Variants in ZNF841 observed in about 807,000 individuals in gnomAD.
The protein encoded by ZNF841 is zinc finger protein 841, also known as TCONS_00006091.
In ZNF841, 11 loss-of-function variants were observed where a neutral mutation model predicts 13.0. That is an observed-to-expected ratio of 0.85 (90% CI 0.53 to 1.40). The LOEUF is 1.40. ZNF841 is among the 40% of genes most tolerant of loss of function. The pLI, the probability that ZNF841 is intolerant of heterozygous loss-of-function variation, is 0.00. For synonymous variants in ZNF841, 369 were observed against 381.6 expected (o/e 0.97, Z 0.38); for missense variants, 1,068 against 1,139.5 (o/e 0.94, Z 0.90).
intron 6 of ZNF841, among the ~76,000 whole-genome samples, chr19:52,074,207 C>T (rs1349334134): frequency 6.6e-6 from 1 of 152,138 alleles, no homozygotes; most frequent in Non-Finnish European, 1.5e-5. Context: ...TTCCCCAACA[C>T]AACACTACCA....
chr19:52,094,372 G>A (rs1206571057), intron 1 of ZNF841, among the ~76,000 whole-genome samples: 2 of 151,932 alleles, frequency 1.3e-5, no homozygotes, highest in South Asian at 4.1e-4. Context: ...CTTTCTTCAC[G>A]GCTATGTGTT....
At chr19:52,074,154 T>C (rs1437840835) in intron 6 of ZNF841, among the ~76,000 whole-genome samples, 2 of 148,488 alleles carry the variant, frequency 1.3e-5, no homozygotes, top group Non-Finnish European at 3.0e-5. Context: ...ATACCATCTG[T>C]ACTAAAGAAG....
rs768622797 is a variant in ZNF841, at chr19:52,076,053, C to G, written c.262G>C (p.Val88Leu). The G allele has an allele frequency of 1.2e-5, 18 of 1,552,556 alleles. No individual in the cohort carries two copies. Among genetic ancestry groups the G allele is most frequent in the Non-Finnish European group, 9.6e-6 (11 of 1,147,472 alleles). Residue 88 changes from valine to leucine, a missense_variant, in exon 6 of 7, where the codon GTG (valine) becomes CTG (leucine). Coordinates refer to ENST00000594440, the MANE Select transcript of ZNF841 (RefSeq NM_001136499.2). ...NPNCGECMKG[V>L]ITGISPKCVI... ...CCATCTGAGCTCTTACCGGTGATCA[C>G]GCCTTTCATGCATTCCCCACAGTTT...
intron 6 of ZNF841, among the ~76,000 whole-genome samples, chr19:52,069,338 G>A (rs2087677581): frequency 6.6e-6 from 1 of 152,166 alleles, no homozygotes; most frequent in Admixed American, 6.5e-5. Context: ...GCCTCCCAAA[G>A]TGCTGGGATT....
intron 2 of ZNF841, among the ~76,000 whole-genome samples, chr19:52,093,389 A>T (rs2088569459): frequency 6.6e-6 from 1 of 152,192 alleles, no homozygotes. Context: ...TTACTGTATG[A>T]CCTCACAAGT....
At chr19:52,093,106 GCT>G (rs1477996144) in intron 2 of ZNF841, among the ~76,000 whole-genome samples, 1 of 151,928 alleles carries the variant, frequency 6.6e-6, no homozygotes, top group Admixed American at 6.6e-5. Flanking sequence ...ACAGGGTGAG[GCT>G]CTGTCTCAAA....
rs775268502 is a variant in ZNF841, at chr19:52,066,697, A to G, written c.1185T>C (p.His395=). 6 of 1,611,858 alleles carry G rather than the reference A, an allele frequency of 3.7e-6. No homozygotes were observed. Among genetic ancestry groups the G allele is most frequent in the Admixed American group, 3.4e-5 (2 of 59,576 alleles). Residue 395 remains histidine, a synonymous_variant, in exon 7 of 7, where the codon CAT becomes CAC. Transcript: ENST00000594440. ...SSSLATHQTV[H]TGDKPYKCNE... ...TACATTTGTAGGGTTTGTCTCCAGT[A>G]TGAACTGTCTGATGAGTTGCAAGAG... is the stretch of plus-strand genomic sequence containing the variant.
rs961465260 is a variant in ZNF841 at position 52,088,954 on chromosome 19, G to A, written c.-95C>T. The stretch of plus-strand genomic sequence containing the variant: ...ATACGTACCATAGATTGAGGTGTGC[G>A]ATTCAGTTGCCCGCCATTTCAAGAT... On this transcript the variant is annotated 5_prime_UTR_variant, in exon 3 of 7. Coordinates refer to ENST00000594440, the MANE Select transcript of ZNF841 (RefSeq NM_001136499.2). The A allele has an allele frequency of 3.3e-5, 5 of 152,156 alleles. No homozygotes were observed. Among genetic ancestry groups the A allele is most frequent in the South Asian group, 4.1e-4 (2 of 4,832 alleles). The allele number at this position is 152,156 out of a possible 1,614,324, so 9.4% of individuals were successfully genotyped here. A position where few individuals can be genotyped will look rare whatever the true frequency, so the allele number is the denominator to read the frequency against.
Position 52,065,337 on chromosome 19 carries a change from A to G in ZNF841, c.2545T>C (p.Tyr849His), listed in dbSNP as rs1279711489. 4 of 1,609,480 alleles carry G rather than the reference A, an allele frequency of 2.5e-6. No homozygotes were observed. Among genetic ancestry groups the G allele is most frequent in the East Asian group, 2.2e-5 (1 of 44,820 alleles). The change falls in exon 7 of 7, where the codon TAC becomes CAC. Residue 849 changes from tyrosine (Y) to histidine (H), a missense_variant. Transcript: ENST00000594440. ...GCCTTGCCACATTCCATACATTTGT[A>G]TGGCTTCTCTCCAGTATGGTTTCTC... Reference protein sequence around the residue: ...HQRNHTGEKPYKCMECGKAFG... With the variant: ...HQRNHTGEKPHKCMECGKAFG...
At position 52,067,593 on chromosome 19, in the gene ZNF841, C is replaced by T. The variant is rs775752290; in HGVS notation, c.289G>A (p.Val97Met). The T allele has an allele frequency of 5.8e-6, 9 of 1,540,866 alleles. No individual in the cohort carries two copies. In the East Asian group the frequency reaches 1.8e-4, roughly 31 times the overall value. ...GVITGISPKC[V>M]IKELPPIQNS... Reference sequence around the variant, plus strand: ...TGTATTGGTGGTAATTCCTTGATCACACATTTAGGAGAGATACCTGCAAAA... The same window carrying T: ...TGTATTGGTGGTAATTCCTTGATCATACATTTAGGAGAGATACCTGCAAAA... Residue 97 changes from valine (V) to methionine (M), a missense_variant, in exon 7 of 7, where the codon GTG becomes ATG. Val to Met is a conservative substitution (Grantham distance 21, BLOSUM62 1). Coordinates refer to ENST00000594440, the MANE Select transcript of ZNF841 (RefSeq NM_001136499.2).
In ZNF841 at chr19:52,086,329, T is replaced by C. The variant is rs187199728; in HGVS notation, c.-77-1451A>G. Reference sequence around the variant, plus strand: ...CCACCCCTTGGTGCTGTTCTTATCATAGTGAGTTCTCACGACATCTGGTTG... The same window carrying C: ...CCACCCCTTGGTGCTGTTCTTATCACAGTGAGTTCTCACGACATCTGGTTG... On this transcript the variant is annotated intron_variant, in intron 3 of 6. Transcript: ENST00000594440. 9.1e-3 allele frequency among the ~76,000 whole-genome samples: 1,380 copies of C among 152,252 alleles called. 9 individuals are homozygous for C. Among genetic ancestry groups the C allele is most frequent in the East Asian group, 0.011 (58 of 5,178 alleles).
chr19:52,065,735 CT>C lies in ZNF841; in HGVS notation c.2146del (p.Arg716GlufsTer98). 6.2e-7 allele frequency: 1 copy of C among 1,606,636 alleles called. No individual in the cohort carries two copies. Among genetic ancestry groups the C allele is most frequent in the Non-Finnish European group, 8.5e-7 (1 of 1,176,016 alleles). ...CAGACTTGTTTTATGACTAAAAGTTCTACCACATTCACTACATTTGTGTGGT... is the reference window on the plus strand; with the variant it reads ...CAGACTTGTTTTATGACTAAAAGTTCACCACATTCACTACATTTGTGTGGT... ...EKPHKCSECG[R>X]TFSHKTSLVY... On this transcript the variant is annotated frameshift_variant, in exon 7 of 7. Transcript: ENST00000594440. LOFTEE classifies it low-confidence loss of function (END_TRUNC).
At chr19:52,062,391 G>GT (rs901721782), downstream of ZNF841, among the ~76,000 whole-genome samples, 7 of 152,240 alleles carry the variant, frequency 4.6e-5, no homozygotes, top group Admixed American at 3.3e-4. Context: ...AAGCAACACT[G>GT]TATTTGTCAA....
intron 4 of ZNF841, among the ~76,000 whole-genome samples, chr19:52,080,058 C>T (rs2088048591): frequency 6.7e-6 from 1 of 148,380 alleles, no homozygotes; most frequent in African/African-American, 2.5e-5. Context: ...TTTAAGTATA[C>T]AAGCTAACAA....
At chr19:52,062,103 G>T (rs963189265), downstream of ZNF841, among the ~76,000 whole-genome samples, 1 of 152,116 alleles carries the variant, frequency 6.6e-6, no homozygotes, top group Non-Finnish European at 1.5e-5. Context: ...GCAATGTAAG[G>T]AAAAGCTAGG....
Position 52,066,486 on chromosome 19 carries a change from A to C in ZNF841, c.1396T>G (p.Phe466Val), listed in dbSNP as rs769852786. 1.2e-6 allele frequency: 2 copies of C among 1,614,100 alleles called. No individual in the cohort carries two copies. The highest frequency in any genetic ancestry group is 1.1e-5 in the South Asian group (1 of 91,076). Residue 466 changes from phenylalanine to valine, a missense_variant, in exon 7 of 7, where the codon TTC becomes GTC. By Grantham distance (50) the Phe-to-Val change is conservative. Transcript: ENST00000594440. ...CCTGCAAGACGTGAACGTTGAAAGA[A>C]GACCTTGCCACATTCATTACATTTG... ...PYKCNECGKV[F>V]FQRSRLAGHR...
At chr19:52,090,699 GA>G (rs2088461197) in intron 2 of ZNF841, among the ~76,000 whole-genome samples, 2 of 149,680 alleles carry the variant, frequency 1.3e-5, no homozygotes, top group African/African-American at 4.9e-5. Context: ...AAGAAAGAAA[GA>G]AAGAAAGAGA....
intron 6 of ZNF841, among the ~76,000 whole-genome samples, chr19:52,074,796 C>G (rs1004794530): frequency 6.6e-6 from 1 of 152,148 alleles, no homozygotes. Flanking sequence ...GGATTACAGG[C>G]GTTGAGCCAC....
intron 6 of ZNF841, among the ~76,000 whole-genome samples, chr19:52,069,893 T>G (rs2087691794): frequency 6.6e-6 from 1 of 152,216 alleles, no homozygotes; most frequent in African/African-American, 2.4e-5. Context: ...CAATATGCTA[T>G]CTCATTATAA....
Sources: gnomAD v4.1 joint callset for allele counts (sites outside exome capture counted in the v4.1 genomes callset) on GRCh38, gnomAD v4.1.1 for gene constraint, MANE v1.5 for transcripts, NCBI Gene and HGNC (gene_info 2026-07-23, HGNC 2026-07-21) for gene names.